The following ITGAM variants were observed in gnomAD, a reference collection of about 807,000 sequenced individuals.
ITGAM encodes the protein integrin alpha-M.
ITGAM carries 79 observed loss-of-function variants against 137.5 expected under a neutral mutation model. The ratio of observed to expected loss-of-function variants is 0.57; its 90% confidence interval spans 0.48 to 0.69. The LOEUF (loss-of-function observed/expected upper bound fraction) is 0.69. Ranked by LOEUF, ITGAM falls within the 30% of genes least tolerant of loss-of-function variation. The pLI is 0.00. For missense variants in ITGAM, 1,343 were observed against 1,483.5 expected, an observed-to-expected ratio of 0.91 and a Z score of 1.56; for synonymous variants, 583 against 592.3, an observed-to-expected ratio of 0.98 and a Z score of 0.23.
chr16:31,330,556 A>G lies in ITGAM; in HGVS notation c.3227A>G (p.Asp1076Gly). The G allele has an allele frequency of 6.2e-7, 1 of 1,613,400 alleles. No homozygotes were observed. The highest frequency in any genetic ancestry group is 1.1e-5 in the South Asian group (1 of 91,006). ...IVSTAEILFNDSVFTLLPGQG... is the reference protein window; with the variant it reads ...IVSTAEILFNGSVFTLLPGQG... ...AGCACAGCTGAGATCTTGTTTAACG[A>G]TTCCGTGTTCACCCTGCTGCCGGGA... The change falls in exon 28 of 30, where the codon GAT (aspartate) becomes GGT (glycine). Residue 1076 changes from aspartate (D) to glycine (G), a missense_variant. Asp to Gly is a moderately conservative substitution (Grantham distance 94). Coordinates refer to ENST00000544665, the MANE Select transcript of ITGAM (RefSeq NM_000632.4).
chr16:31,293,710 G>C (rs1352057745), intron 12 of ITGAM, among the ~76,000 whole-genome samples: 1 of 152,072 alleles, frequency 6.6e-6, no homozygotes, highest in African/African-American at 2.4e-5. Context: ...GATTGACTTG[G>C]TTATTCAGGT....
intron 7 of ITGAM, among the ~76,000 whole-genome samples, chr16:31,272,590 TCTC>T (rs2079863946): frequency 7.1e-6 from 1 of 140,896 alleles, no homozygotes; most frequent in Admixed American, 7.4e-5. Context: ...TTCAAGCAAT[TCTC>T]CTGCCTCAGC....
At chr16:31,278,174 G>T in intron 12 of ITGAM, 65 bp downstream of exon 12, 1 of 1,510,636 alleles carries the variant, frequency 6.6e-7, no homozygotes, top group South Asian at 1.3e-5. Context: ...GAGATTCCAG[G>T]AGGGGCATTC....
chr16:31,265,498 G>T lies in ITGAM; in HGVS notation c.238G>T (p.Val80Phe). 6.3e-7 allele frequency: 1 copy of T among 1,586,670 alleles called. No homozygotes were observed. Among genetic ancestry groups the T allele is most frequent in the Non-Finnish European group, 8.6e-7 (1 of 1,164,418 alleles). ...TGSCEPIRLQ[V>F]PVEAVNMSLG... Reference sequence around the variant, plus strand: ...CTCATGCGAGCCCATCCGCCTGCAGGGTGAGTCACTGCCCCGCCGGGCTGG... The same window carrying T: ...CTCATGCGAGCCCATCCGCCTGCAGTGTGAGTCACTGCCCCGCCGGGCTGG... The change falls in exon 3 of 30, where the codon GTC becomes TTC. Residue 80 changes from valine (V) to phenylalanine (F), a missense_variant and splice_region_variant. Transcript: ENST00000544665.
intron 12 of ITGAM, among the ~76,000 whole-genome samples, chr16:31,292,312 A>G (rs1418064488): frequency 6.6e-6 from 1 of 152,050 alleles, no homozygotes; most frequent in Non-Finnish European, 1.5e-5. Flanking sequence ...AGTTTGTTAT[A>G]TAAGTAAACT....
chr16:31,331,767 G>T lies in ITGAM; in HGVS notation c.*60G>T, dbSNP rs189160804. ...CAGCAGGACTCTGCCCAGACCACAC[G>T]TAGCCCCCAGGCTGCTGGACACGTC... On this transcript the variant is annotated 3_prime_UTR_variant, in exon 30 of 30. Transcript: ENST00000544665. 7.6e-7 allele frequency: 1 copy of T among 1,321,154 alleles called. No homozygotes were observed. Among genetic ancestry groups the T allele is most frequent in the Non-Finnish European group, 1.0e-6 (1 of 955,418 alleles). The allele number at this position is 1,321,154 out of a possible 1,614,324, so 81.8% of individuals were successfully genotyped here.
chr16:31,328,766 G>A lies in ITGAM; in HGVS notation c.2793-462G>A, dbSNP rs546280781. 1.6e-3 allele frequency among the ~76,000 whole-genome samples: 226 copies of A among 141,022 alleles called. 1 individual carries two copies. The highest frequency in any genetic ancestry group is 4.7e-3 in the African/African-American group (170 of 35,900). 92.5% of individuals were successfully genotyped at this position (141,022 alleles called of 152,430 possible). A position where few individuals can be genotyped will look rare whatever the true frequency, so the allele number is the denominator to read the frequency against. On this transcript the variant is annotated intron_variant, in intron 23 of 29. Coordinates refer to ENST00000544665, the MANE Select transcript of ITGAM (RefSeq NM_000632.4). ...TATGTCTGAAGGTCTATGTGCATGC[G>A]TGTGCGCATGGGTGTGTATTTGTGC...
In ITGAM at chr16:31,330,554, C is replaced by G; in HGVS notation, c.3225C>G (p.Asn1075Lys). ...LIVSTAEILF[N>K]DSVFTLLPGQ... is the part of the protein sequence containing the mutation. ...TGAGCACAGCTGAGATCTTGTTTAA[C>G]GATTCCGTGTTCACCCTGCTGCCGG... Residue 1075 changes from asparagine (N) to lysine (K), a missense_variant, in exon 28 of 30, where the codon AAC becomes AAG. Physicochemically the swap from Asn to Lys is moderately conservative, Grantham distance 94 (BLOSUM62 0). Transcript: ENST00000544665. The G allele has an allele frequency of 6.2e-7, 1 of 1,613,424 alleles. No individual in the cohort carries two copies. The highest frequency in any genetic ancestry group is 8.5e-7 in the Non-Finnish European group (1 of 1,179,550).
chr16:31,326,870 C>CTCT lies in ITGAM; in HGVS notation c.2643_2644insTCT (p.Ile881_Thr882insSer), dbSNP rs1169464070. On this transcript the variant is annotated inframe_insertion, in exon 22 of 30. Transcript: ENST00000544665. ...TCTCACTCCAGGTCACCTTTAATATCACGTTTGATGTAGACTCTAAGGCTT... is the reference window on the plus strand; with the variant it reads ...TCTCACTCCAGGTCACCTTTAATATCTCTACGTTTGATGTAGACTCTAAGGCTT... 6.2e-7 allele frequency: 1 copy of CTCT among 1,611,778 alleles called. No homozygotes were observed. Among genetic ancestry groups the CTCT allele is most frequent in the Non-Finnish European group, 8.5e-7 (1 of 1,177,846 alleles).
chr16:31,330,925 AGACAGT>A (rs71151475), intron 28 of ITGAM, among the ~76,000 whole-genome samples: 29,986 of 151,354 alleles, frequency 0.2, 3,452 homozygotes, highest in African/African-American at 0.31. Context: ...ACAGAGACAG[AGACAGT>A]GAGCCATGGA....
chr16:31,260,738 C>T (rs1315519476), intron 1 of ITGAM, among the ~76,000 whole-genome samples: 1 of 152,178 alleles, frequency 6.6e-6, no homozygotes, highest in African/African-American at 2.4e-5. Flanking sequence ...ACGTGCCCCA[C>T]GACGGTGGTT....
chr16:31,274,600 TTATTTATTTA>T (rs1188724273), intron 8 of ITGAM, among the ~76,000 whole-genome samples: 4 of 134,398 alleles, frequency 3.0e-5, no homozygotes, highest in East Asian at 1.9e-4. Flanking sequence ...TTTGTTTATT[TTATTTATTTA>T]TATTTATTTA....
chr16:31,265,329 C>A, intron 2 of ITGAM, 66 bp from the exon 3 acceptor site: 3 of 858,228 alleles, frequency 3.5e-6, no homozygotes, highest in South Asian at 3.9e-5. Context: ...GGTGGCAGAA[C>A]TTCCTCTGTG....
rs774155506 is a variant in ITGAM at position 31,321,551 on chromosome 16, G to A, written c.1926G>A (p.Val642=). 1 of 1,614,014 alleles carries A rather than the reference G, an allele frequency of 6.2e-7. No homozygotes were observed. Among genetic ancestry groups the A allele is most frequent in the Non-Finnish European group, 8.5e-7 (1 of 1,179,892 alleles). Residue 642 remains valine, a synonymous_variant, in exon 16 of 30, where the codon GTG becomes GTA. Transcript: ENST00000544665. The part of the protein sequence containing the change: ...ARNVFECNDQ[V]VKGKEAGEVR... Reference sequence around the variant, plus strand: ...ATGTATTTGAGTGTAATGATCAGGTGGTGAAAGGCAAGGAAGCCGGAGAGG... The same window carrying A: ...ATGTATTTGAGTGTAATGATCAGGTAGTGAAAGGCAAGGAAGCCGGAGAGG...
At position 31,324,512 on chromosome 16, in the gene ITGAM, G is replaced by T. The variant is rs867768449; in HGVS notation, c.2116G>T (p.Gly706Trp). The stretch of plus-strand genomic sequence containing the variant: ...CACACGCAGACAGACACAGGTCTTG[G>T]GGCTGACCCAGACTTGTGAGACCCT... ...NSTRRQTQVL[G>W]LTQTCETLKL... Residue 706 changes from glycine to tryptophan, a missense_variant, in exon 17 of 30, where the codon GGG becomes TGG. Coordinates refer to ENST00000544665, the MANE Select transcript of ITGAM (RefSeq NM_000632.4). This position sits in a 1 kb window ranked among gnomAD's most constrained non-coding sequence, Gnocchi z 4.5. 6.2e-7 allele frequency: 1 copy of T among 1,605,704 alleles called. No individual in the cohort carries two copies. The highest frequency in any genetic ancestry group is 2.2e-5 in the East Asian group (1 of 44,528).
chr16:31,280,441 G>A (rs1224863043), intron 12 of ITGAM, among the ~76,000 whole-genome samples: 1 of 152,156 alleles, frequency 6.6e-6, no homozygotes, highest in African/African-American at 2.4e-5. Flanking sequence ...TCTCCTTGAA[G>A]AGGTCCTTCA....
chr16:31,288,182 G>A lies in ITGAM; in HGVS notation c.1357-9332G>A, dbSNP rs192800119. Among the ~76,000 whole-genome samples the A allele has an allele frequency of 5.9e-3, 902 of 152,150 alleles. 4 individuals are homozygous for A. The highest frequency in any genetic ancestry group is 1.0e-2 in the Non-Finnish European group (677 of 67,986). On this transcript the variant is annotated intron_variant, in intron 12 of 29. Coordinates refer to ENST00000544665, the MANE Select transcript of ITGAM (RefSeq NM_000632.4). ...AATGGAATGGAGGGTCAGAATATGC[G>A]TATAGGGTGGTGGGAGGAGTGGTGG...
At chr16:31,275,340 G>A (rs981753331) in intron 8 of ITGAM, among the ~76,000 whole-genome samples, 1 of 152,180 alleles carries the variant, frequency 6.6e-6, no homozygotes, top group Non-Finnish European at 1.5e-5. Context: ...ATCAGCAGCC[G>A]GGTTTCTGCC....
At chr16:31,329,627 G>C (rs1392901673) in intron 24 of ITGAM, among the ~76,000 whole-genome samples, 171 bp from the exon 25 acceptor site, 3 of 152,152 alleles carry the variant, frequency 2.0e-5, no homozygotes, top group Non-Finnish European at 4.4e-5. Context: ...GCTAGGACTG[G>C]AGACCAGGCC....
Sources: gnomAD v4.1 joint callset for allele counts (sites outside exome capture counted in the v4.1 genomes callset) on GRCh38, gnomAD v4.1.1 for gene constraint, Gnocchi (gnomAD v3.1) non-coding constraint, MANE v1.5 for transcripts, NCBI Gene and HGNC (gene_info 2026-07-23, HGNC 2026-07-21) for gene names.